Variants in GRM8 observed in about 807,000 individuals in gnomAD.
GRM8 encodes the protein glutamate metabotropic receptor 8, also known as metabotropic glutamate receptor 8.
Under a neutral mutation model 87.2 loss-of-function variants are expected in GRM8, and 47 were observed. That is an observed-to-expected ratio of 0.54 (90% CI 0.43 to 0.69). GRM8 has a LOEUF of 0.69. GRM8 is among the 30% of genes least tolerant of loss of function. The pLI, the probability that GRM8 is intolerant of heterozygous loss-of-function variation, is 0.00. For missense variants in GRM8, 1,019 were observed against 1,139.2 expected (o/e 0.89, Z 1.52); for synonymous variants, 396 against 404.5 (o/e 0.98, Z 0.25).
chr7:126,842,259 G>C (rs912615039), intron 6 of GRM8, among the ~76,000 whole-genome samples: 1 of 152,190 alleles, frequency 6.6e-6, no homozygotes, highest in Non-Finnish European at 1.5e-5. Context: ...ATACCAGAAA[G>C]GGATGTTTAA....
chr7:126,904,210 T>G, intron 4 of GRM8, 84 bp from the exon 5 acceptor site: 1 of 1,103,956 alleles, frequency 9.1e-7, no homozygotes, highest in Non-Finnish European at 1.3e-6. Context: ...ATTTAGGAAG[T>G]TGTATACACT....
intron 1 of GRM8, among the ~76,000 whole-genome samples, chr7:127,248,920 G>C (rs1223553208): frequency 6.6e-6 from 1 of 152,196 alleles, no homozygotes; most frequent in Non-Finnish European, 1.5e-5. Flanking sequence ...TACCATGCCT[G>C]ACCTGGAAAA....
At chr7:126,980,187 C>T (rs761178627) in intron 3 of GRM8, among the ~76,000 whole-genome samples, 1 of 152,170 alleles carries the variant, frequency 6.6e-6, no homozygotes, top group African/African-American at 2.4e-5. Flanking sequence ...ATTCATTCAA[C>T]AAATATTTAT....
At chr7:126,844,880 G>T (rs1796579666) in intron 6 of GRM8, among the ~76,000 whole-genome samples, 1 of 152,152 alleles carries the variant, frequency 6.6e-6, no homozygotes, top group Admixed American at 6.5e-5. Flanking sequence ...GCTCCTAAAA[G>T]CTCTATCTCC....
At chr7:126,957,535 T>C (rs1808844948) in intron 3 of GRM8, among the ~76,000 whole-genome samples, 1 of 152,198 alleles carries the variant, frequency 6.6e-6, no homozygotes, top group Non-Finnish European at 1.5e-5. Context: ...TCCTGATCCC[T>C]GGCCTCTCTC....
intron 2 of GRM8, among the ~76,000 whole-genome samples, chr7:127,155,825 T>C (rs1792693483): frequency 6.6e-6 from 1 of 152,172 alleles, no homozygotes; most frequent in Admixed American, 6.6e-5. Flanking sequence ...GTCCTCCTTA[T>C]GCTAATTTTG....
chr7:126,482,671 G>T (rs1393559169), intron 9 of GRM8, among the ~76,000 whole-genome samples: 1 of 151,894 alleles, frequency 6.6e-6, no homozygotes, highest in Non-Finnish European at 1.5e-5. Flanking sequence ...TGTTTAATGG[G>T]TATAGAATTT....
intron 7 of GRM8, among the ~76,000 whole-genome samples, chr7:126,682,090 C>A (rs776701623): frequency 1.3e-5 from 2 of 152,154 alleles, no homozygotes; most frequent in Non-Finnish European, 2.9e-5. Context: ...CTTAGTAGTT[C>A]CCAAAGCATT....
intron 7 of GRM8, among the ~76,000 whole-genome samples, chr7:126,614,021 A>C (rs528632783): frequency 2.0e-5 from 3 of 152,222 alleles, no homozygotes; most frequent in Non-Finnish European, 2.9e-5. Flanking sequence ...ACAGCTTTGA[A>C]GAGAGTAGTG....
At chr7:127,008,032 T>G (rs1375153911) in intron 3 of GRM8, among the ~76,000 whole-genome samples, 2 of 152,022 alleles carry the variant, frequency 1.3e-5, no homozygotes, top group Non-Finnish European at 2.9e-5. Flanking sequence ...TAATTGTTTC[T>G]TTGGCTTTCA....
At chr7:126,498,603 A>G (rs916479298) in intron 9 of GRM8, among the ~76,000 whole-genome samples, 5 of 151,970 alleles carry the variant, frequency 3.3e-5, no homozygotes, top group Non-Finnish European at 7.4e-5. Flanking sequence ...GTGGGGGGAC[A>G]TGTACTGTTG....
chr7:126,858,588 A>G (rs780680095), intron 6 of GRM8, among the ~76,000 whole-genome samples: 2 of 152,148 alleles, frequency 1.3e-5, no homozygotes, highest in Non-Finnish European at 2.9e-5. Flanking sequence ...CAAACAACCA[A>G]TTTCCCAAAC....
chr7:127,171,545 T>C (rs1793802327), intron 2 of GRM8, among the ~76,000 whole-genome samples: 1 of 152,230 alleles, frequency 6.6e-6, no homozygotes, highest in South Asian at 2.1e-4. Context: ...CGACCCTGAT[T>C]AGTCAGTAGC....
chr7:126,530,993 T>C (rs1814730121), intron 9 of GRM8, among the ~76,000 whole-genome samples: 1 of 152,078 alleles, frequency 6.6e-6, no homozygotes, highest in African/African-American at 2.4e-5. Flanking sequence ...ATTTTTATTA[T>C]TGTAGAGATA....
chr7:126,723,177 A>G lies in GRM8; in HGVS notation c.1357+46688T>C, dbSNP rs565020025. Among the ~76,000 whole-genome samples, 157 of 151,922 alleles carry G rather than the reference A, an allele frequency of 1.0e-3. 1 individual carries two copies. Among genetic ancestry groups the G allele is most frequent in the African/African-American group, 3.7e-3 (154 of 41,438 alleles). On this transcript the variant is annotated intron_variant, in intron 7 of 10. Transcript: ENST00000339582. ...ATAACGCCCCTTTCTCTGCCTCTTCATCTAGATGAAAGCAGATCTAACTGC... is the reference window on the plus strand; with the variant it reads ...ATAACGCCCCTTTCTCTGCCTCTTCGTCTAGATGAAAGCAGATCTAACTGC...
intron 3 of GRM8, among the ~76,000 whole-genome samples, chr7:127,083,674 C>A (rs530923673): frequency 6.6e-5 from 10 of 151,934 alleles, no homozygotes; most frequent in African/African-American, 2.4e-4. Flanking sequence ...AATCTGCTTC[C>A]TTGAAATTGC....
chr7:126,683,344 G>C (rs1807822619), intron 7 of GRM8, among the ~76,000 whole-genome samples: 1 of 152,156 alleles, frequency 6.6e-6, no homozygotes. Context: ...TTCTCTGTTT[G>C]GTGCTATGAC....
At chr7:126,504,366 T>A (rs571078091) in intron 9 of GRM8, among the ~76,000 whole-genome samples, 1 of 152,220 alleles carries the variant, frequency 6.6e-6, no homozygotes, top group South Asian at 2.1e-4. Context: ...TTATTATAAG[T>A]CAAAATGTCC....
At chr7:126,906,592 T>C (rs1802698314) in intron 3 of GRM8, among the ~76,000 whole-genome samples, 1 of 152,228 alleles carries the variant, frequency 6.6e-6, no homozygotes, top group African/African-American at 2.4e-5. Context: ...AGGAGAAATA[T>C]ATGCTGAGCT....
Sources: allele counts gnomAD v4.1 joint callset (sites outside exome capture counted in the v4.1 genomes callset), GRCh38; gene constraint gnomAD v4.1.1; transcripts MANE v1.5; gene names NCBI Gene and HGNC (gene_info 2026-07-23, HGNC 2026-07-21).